Variants in TNIP2 observed in about 807,000 individuals in gnomAD.
The protein encoded by TNIP2 is TNFAIP3-interacting protein 2.
In TNIP2, 30 loss-of-function variants were observed where a neutral mutation model predicts 43.7. That is an observed-to-expected ratio of 0.69 (90% confidence interval 0.51 to 0.93). The LOEUF is 0.93. Among genes scored for constraint, TNIP2 ranks in the 40% least tolerant of loss-of-function variants. The probability of loss-of-function intolerance (pLI) is 0.00; values close to 1 mark genes in which losing one functional copy is unlikely to be tolerated. For synonymous variants in TNIP2, 260 were observed against 254.6 expected (o/e 1.02, Z -0.20); for missense variants, 599 against 591.0 (o/e 1.01, Z -0.14).
At position 2,756,297 on chromosome 4, in the gene TNIP2, G is replaced by C. The variant is rs1343366774; in HGVS notation, c.-8C>G. ...CCCCGGGTCCCGGGACATGGCTGTAGGCCCGCCCGGGAGGCCGCGCGGCCG... is the reference window on the plus strand; with the variant it reads ...CCCCGGGTCCCGGGACATGGCTGTACGCCCGCCCGGGAGGCCGCGCGGCCG... On this transcript the variant is annotated 5_prime_UTR_variant, in exon 1 of 6. Transcript: ENST00000315423. 1.5e-5 allele frequency: 18 copies of C among 1,238,520 alleles called. No individual in the cohort carries two copies. The African/African-American group carries it at 2.2e-4, about 15-fold the overall frequency. The allele number at this position is 1,238,520 out of a possible 1,614,324, so 76.7% of individuals were successfully genotyped here.
At chr4:2,754,571 C>T (rs1184260104) in intron 1 of TNIP2, among the ~76,000 whole-genome samples, 3 of 152,220 alleles carry the variant, frequency 2.0e-5, no homozygotes, top group African/African-American at 4.8e-5. Context: ...CGCCCGCCAC[C>T]ACGCCCAGCT....
At chr4:2,748,233 T>C (rs1314262208) in intron 1 of TNIP2, among the ~76,000 whole-genome samples, 1 of 152,088 alleles carries the variant, frequency 6.6e-6, no homozygotes, top group African/African-American at 2.4e-5. Flanking sequence ...TGGAGTGCAA[T>C]GGCACAATCT....
chr4:2,742,298 C>A lies in TNIP2; in HGVS notation c.1249G>T (p.Gly417Trp). 1.3e-6 allele frequency: 2 copies of A among 1,520,502 alleles called. No homozygotes were observed. Among genetic ancestry groups the A allele is most frequent in the Non-Finnish European group, 1.8e-6 (2 of 1,129,718 alleles). The allele number at this position is 1,520,502 out of a possible 1,614,324, so 94.2% of individuals were successfully genotyped here. ...HCLQCFSDEQ[G>W]EELLRHVAEC... is the part of the protein sequence containing the mutation. ...GCCACATGCCTGAGGAGCTCTTCCC[C>A]TTGCTCGTCACTGAAGCACTGCAGG... Residue 417 changes from glycine to tryptophan, a missense_variant, in exon 6 of 6, where the codon GGG becomes TGG. Physicochemically the swap from Gly to Trp is radical, Grantham distance 184. Transcript: ENST00000315423.
At chr4:2,745,639 G>A (rs1467084927) in intron 2 of TNIP2, 104 bp from the exon 3 acceptor site, 2 of 767,400 alleles carry the variant, frequency 2.6e-6, no homozygotes, top group African/African-American at 1.7e-5. Context: ...GCGTCCCCCA[G>A]TGCAGCGGGT....
rs748657432 is a variant in TNIP2 at position 2,744,804 on chromosome 4, G to A, written c.799C>T (p.Gln267Ter). ...CAGTCATTTATTTTCTCTTCCAACT[G>A]TCTGTTGAGCCGGGAGATCTCCTTC... is the stretch of plus-strand genomic sequence containing the variant. ...MRKEISRLNR[Q>*]LEEKINDCAE... The change falls in exon 4 of 6, where the codon CAG (glutamine) becomes TAG (stop). Residue 267 changes from glutamine (Q) to a stop codon, truncating the protein, a stop_gained. Transcript: ENST00000315423. LOFTEE classifies it high-confidence loss of function. This position sits in a 1 kb window ranked among gnomAD's most constrained non-coding sequence, Gnocchi z 5.1. 1 of 1,613,462 alleles carries A rather than the reference G, an allele frequency of 6.2e-7. No homozygotes were observed. Among genetic ancestry groups the A allele is most frequent in the Admixed American group, 1.7e-5 (1 of 60,032 alleles).
chr4:2,744,593 C>A lies in TNIP2; in HGVS notation c.907-87G>T. On this transcript the variant is annotated intron_variant, in intron 4 of 5. Transcript: ENST00000315423. This position sits in a 1 kb window ranked among gnomAD's most constrained non-coding sequence, Gnocchi z 5.1. Reference sequence around the variant, plus strand: ...TCCCACCCCCACAGTGACCACTGCCCACTCAGTGCCACCAAGCCTTCAGCC... The same window carrying A: ...TCCCACCCCCACAGTGACCACTGCCAACTCAGTGCCACCAAGCCTTCAGCC... 3 of 1,598,100 alleles carry A rather than the reference C, an allele frequency of 1.9e-6. No homozygotes were observed. The highest frequency in any genetic ancestry group is 2.6e-6 in the Non-Finnish European group (3 of 1,173,666).
At chr4:2,754,153 G>A (rs1399147565) in intron 1 of TNIP2, among the ~76,000 whole-genome samples, 1 of 151,994 alleles carries the variant, frequency 6.6e-6, no homozygotes, top group African/African-American at 2.4e-5. Flanking sequence ...TCAGGCTGTG[G>A]GGCCAACCCT....
intron 2 of TNIP2, among the ~76,000 whole-genome samples, chr4:2,746,743 C>T (rs1721957763): frequency 6.6e-6 from 1 of 152,250 alleles, no homozygotes; most frequent in Admixed American, 6.5e-5. Flanking sequence ...CTGTGCCCGG[C>T]AGTGCGAGTG....
At chr4:2,748,419 T>G (rs1722011615) in intron 1 of TNIP2, among the ~76,000 whole-genome samples, 4 of 152,186 alleles carry the variant, frequency 2.6e-5, no homozygotes, top group African/African-American at 7.2e-5. Context: ...CTCAGCTCAC[T>G]GCAAGCTCCG....
chr4:2,747,328 A>C (rs375154881), intron 2 of TNIP2: 6 of 296,330 alleles, frequency 2.0e-5, no homozygotes, highest in East Asian at 1.3e-4. Flanking sequence ...CACTTCCTCC[A>C]GGCAGCTCTG....
chr4:2,755,934 C>T, intron 1 of TNIP2, 80 bp downstream of exon 1: 1 of 1,425,150 alleles, frequency 7.0e-7, no homozygotes, highest in South Asian at 1.5e-5. Flanking sequence ...ACCCGGGGCC[C>T]GCTCGCTCAC....
chr4:2,742,436 C>A lies in TNIP2; in HGVS notation c.1111G>T (p.Val371Leu), dbSNP rs753030728. The stretch of plus-strand genomic sequence containing the variant: ...GTCCCAGGCCTCCAGCCACCAGGCA[C>A]CATAAGCTCTAATGCGTCGGCGGCC... The part of the protein sequence containing the change: ...YLAADALELM[V>L]PGGWRPGTGS... The change falls in exon 6 of 6, where the codon GTG becomes TTG. Residue 371 changes from valine to leucine, a missense_variant. Physicochemically the swap from Val to Leu is conservative, Grantham distance 32. Coordinates refer to ENST00000315423, the MANE Select transcript of TNIP2 (RefSeq NM_024309.4). The A allele has an allele frequency of 6.2e-7, 1 of 1,612,890 alleles. No homozygotes were observed. Among genetic ancestry groups the A allele is most frequent in the Non-Finnish European group, 8.5e-7 (1 of 1,179,336 alleles).
rs748770316 is a variant in TNIP2, at chr4:2,744,488, C to T, written c.925G>A (p.Asp309Asn). The change falls in exon 5 of 6, where the codon GAC (aspartate) becomes AAC (asparagine). Residue 309 changes from aspartate (D) to asparagine (N), a missense_variant. By Grantham distance (23) the Asp-to-Asn change is conservative. Transcript: ENST00000315423. This position sits in a 1 kb window ranked among gnomAD's most constrained non-coding sequence, Gnocchi z 5.1. ...CGATCGGCCCTTTCTGACATGAAGTCATCCTTGTAAGCGAGAATCTGAAGA... is the reference window on the plus strand; with the variant it reads ...CGATCGGCCCTTTCTGACATGAAGTTATCCTTGTAAGCGAGAATCTGAAGA... ...LEQQILAYKD[D>N]FMSERADRER... 6.2e-7 allele frequency: 1 copy of T among 1,614,214 alleles called. No homozygotes were observed. Among genetic ancestry groups the T allele is most frequent in the East Asian group, 2.2e-5 (1 of 44,886 alleles).
intron 1 of TNIP2, among the ~76,000 whole-genome samples, chr4:2,749,496 G>T (rs893802646): frequency 1.3e-4 from 20 of 152,284 alleles, no homozygotes; most frequent in Non-Finnish European, 2.1e-4. Context: ...GCAGACAGAA[G>T]TCTGGACAGA....
intron 1 of TNIP2, among the ~76,000 whole-genome samples, chr4:2,754,556 A>G (rs866399591): frequency 2.6e-5 from 4 of 152,184 alleles, no homozygotes; most frequent in African/African-American, 9.7e-5. Context: ...AGCTGGGACT[A>G]CAGGCGCCCG....
intron 1 of TNIP2, among the ~76,000 whole-genome samples, chr4:2,755,059 T>A (rs969451331): frequency 6.6e-6 from 1 of 152,074 alleles, no homozygotes; most frequent in African/African-American, 2.4e-5. Context: ...CGGGCTGCAT[T>A]TGCCATTGCT....
Position 2,742,179 on chromosome 4 carries a change from G to C in TNIP2, c.*78C>G. The C allele has an allele frequency of 7.5e-7, 1 of 1,324,980 alleles. No individual in the cohort carries two copies. The highest frequency in any genetic ancestry group is 9.9e-7 in the Non-Finnish European group (1 of 1,013,666). The allele number at this position is 1,324,980 out of a possible 1,614,324, so 82.1% of individuals were successfully genotyped here. On this transcript the variant is annotated 3_prime_UTR_variant, in exon 6 of 6. Transcript: ENST00000315423. ...GGCTCTCAGTAGAGCTCAACCCATG[G>C]CATCTGAGAGCACCCACCCTGTCCC...
At position 2,742,248 on chromosome 4, in the gene TNIP2, G is replaced by A; in HGVS notation, c.*9C>T. ...GCCAGGAGGCCGCAAGGGCACGGGT[G>A]AGTCTCGGTCACTGGCAGCACTCAG... is the stretch of plus-strand genomic sequence containing the variant. On this transcript the variant is annotated 3_prime_UTR_variant, in exon 6 of 6. Coordinates refer to ENST00000315423, the MANE Select transcript of TNIP2 (RefSeq NM_024309.4). 1 of 1,468,814 alleles carries A rather than the reference G, an allele frequency of 6.8e-7. No homozygotes were observed. The highest frequency in any genetic ancestry group is 2.4e-5 in the Admixed American group (1 of 41,260). 91.0% of individuals were successfully genotyped at this position (1,468,814 alleles called of 1,614,324 possible).
At chr4:2,749,373 C>A (rs1472038078) in intron 1 of TNIP2, among the ~76,000 whole-genome samples, 1 of 152,228 alleles carries the variant, frequency 6.6e-6, no homozygotes, top group African/African-American at 2.4e-5. Flanking sequence ...ACAACCAAAC[C>A]TCCCATTCCC....
Sources: allele counts gnomAD v4.1 joint callset (sites outside exome capture counted in the v4.1 genomes callset), GRCh38; gene constraint gnomAD v4.1.1; non-coding constraint Gnocchi (gnomAD v3.1); transcripts MANE v1.5; gene names NCBI Gene and HGNC (gene_info 2026-07-23, HGNC 2026-07-21).